The following PRKDC variants were observed in gnomAD, a reference collection of about 807,000 sequenced individuals.
The protein encoded by PRKDC is protein kinase, DNA-activated, catalytic subunit.
Under a neutral mutation model 486.9 loss-of-function variants are expected in PRKDC, and 82 were observed. The ratio of observed to expected loss-of-function variants is 0.17; its 90% CI spans 0.14 to 0.20. The LOEUF (loss-of-function observed/expected upper bound fraction) is 0.20. Ranked by LOEUF, PRKDC falls within the 10% of genes least tolerant of loss-of-function variation. The probability of loss-of-function intolerance (pLI) is 1.00; values close to 1 mark genes in which losing one functional copy is unlikely to be tolerated. For synonymous variants in PRKDC, 1,895 were observed against 1,837.0 expected, an observed-to-expected ratio of 1.03 and a Z score of -0.81; for missense variants, 4,504 against 5,038.2, an observed-to-expected ratio of 0.89 and a Z score of 3.21.
chr8:47,838,442 T>C lies in PRKDC; in HGVS notation c.7553+706A>G, dbSNP rs982823525. On this transcript the variant is annotated intron_variant, in intron 56 of 85. Transcript: ENST00000314191. Reference sequence around the variant, plus strand: ...ACTTGGGTAACATAGCAAGACCCTATCTTTACAAAAAATAAAAAATCAGCC... The same window carrying C: ...ACTTGGGTAACATAGCAAGACCCTACCTTTACAAAAAATAAAAAATCAGCC... 2.6e-5 allele frequency among the ~76,000 whole-genome samples: 4 copies of C among 152,114 alleles called. No homozygotes were observed. In the East Asian group the frequency reaches 7.8e-4, roughly 29 times the overall value.
intron 59 of PRKDC, 81 bp downstream of exon 59, chr8:47,834,115 A>G (rs938427111): frequency 1.3e-6 from 2 of 1,521,474 alleles, no homozygotes; most frequent in African/African-American, 1.4e-5. Flanking sequence ...ACATGGATAC[A>G]GTCAGAAATG....
intron 11 of PRKDC, 63 bp from the exon 12 acceptor site, chr8:47,936,580 T>C: frequency 6.4e-7 from 1 of 1,571,976 alleles, no homozygotes; most frequent in Non-Finnish European, 8.7e-7. Context: ...ATATTTAAGG[T>C]GTCATGTTAA....
intron 10 of PRKDC, among the ~76,000 whole-genome samples, chr8:47,941,398 A>G (rs866669564): frequency 1.3e-5 from 2 of 152,152 alleles, no homozygotes; most frequent in South Asian, 2.1e-4. Context: ...CCTGGTAACA[A>G]TGTGACTCGG....
intron 50 of PRKDC, 74 bp downstream of exon 50, chr8:47,855,148 T>C: frequency 7.6e-7 from 1 of 1,322,022 alleles, no homozygotes; most frequent in Non-Finnish European, 1.0e-6. Flanking sequence ...TAAATTTCAC[T>C]GTAATCATCA....
At chr8:47,854,723 T>G in intron 50 of PRKDC, among the ~76,000 whole-genome samples, 1 of 152,230 alleles carries the variant, frequency 6.6e-6, no homozygotes, top group East Asian at 1.9e-4. Context: ...TAGCTTTGAC[T>G]TTACAGAAAT....
Position 47,834,390 on chromosome 8 carries a change from C to T in PRKDC, c.7958G>A (p.Arg2653Lys), listed in dbSNP as rs1408651548. The T allele has an allele frequency of 6.2e-7, 1 of 1,613,224 alleles. No individual in the cohort carries two copies. The highest frequency in any genetic ancestry group is 8.5e-7 in the Non-Finnish European group (1 of 1,179,796). ...CCCGGTCAGCCAATCAAATGAGCTTCTTCCATCTGTGACATGCAATCAGAG... is the reference window on the plus strand; with the variant it reads ...CCCGGTCAGCCAATCAAATGAGCTTTTTCCATCTGTGACATGCAATCAGAG... Reference protein sequence around the residue: ...DFTLTQTADGRSSFDWLTGSS... With the variant: ...DFTLTQTADGKSSFDWLTGSS... Residue 2653 changes from arginine (R) to lysine (K), a missense_variant, in exon 59 of 86, where the codon AGA (arginine) becomes AAA (lysine). By Grantham distance (26) the Arg-to-Lys change is conservative (BLOSUM62 2). Transcript: ENST00000314191.
intron 50 of PRKDC, among the ~76,000 whole-genome samples, chr8:47,854,558 T>C (rs1346281054): frequency 6.6e-6 from 1 of 152,092 alleles, no homozygotes. Context: ...GCCAGGATGG[T>C]CTCGATCTCC....
At chr8:47,799,817 T>C (rs78570335) in intron 71 of PRKDC, among the ~76,000 whole-genome samples, 141 of 152,132 alleles carry the variant, frequency 9.3e-4, no homozygotes, top group African/African-American at 3.3e-3. Flanking sequence ...CAGGTAACTA[T>C]TGAAAAAAAC....
chr8:47,931,490 G>T (rs1187494379), intron 16 of PRKDC, among the ~76,000 whole-genome samples: 1 of 151,900 alleles, frequency 6.6e-6, no homozygotes, highest in Non-Finnish European at 1.5e-5. Context: ...AAGTCCCTTT[G>T]GGCAAGTTTT....
At chr8:47,927,991 G>A (rs1165513020) in intron 19 of PRKDC, 101 bp from the exon 20 acceptor site, 15 of 1,139,832 alleles carry the variant, frequency 1.3e-5, no homozygotes, top group South Asian at 6.8e-5. Context: ...AAATTGGCAC[G>A]TAGCCTTTAT....
chr8:47,913,984 C>G lies in PRKDC; in HGVS notation c.2698G>C (p.Glu900Gln). 6.2e-7 allele frequency: 1 copy of G among 1,609,684 alleles called. No individual in the cohort carries two copies. Among genetic ancestry groups the G allele is most frequent in the Non-Finnish European group, 8.5e-7 (1 of 1,177,722 alleles). ...KRLSFAVPFR[E>Q]MKPVIFLDVF... Reference sequence around the variant, plus strand: ...TCCAGGAAAATGACAGGTTTCATCTCTCTAAAGGGCACTGCAAAGCTCAGC... The same window carrying G: ...TCCAGGAAAATGACAGGTTTCATCTGTCTAAAGGGCACTGCAAAGCTCAGC... Residue 900 changes from glutamate (E) to glutamine (Q), a missense_variant, in exon 24 of 86, where the codon GAG (glutamate) becomes CAG (glutamine). This residue lies in a region of PRKDC where 1,969 missense variants were observed against 2,068.9 expected (regional missense o/e 0.95). Transcript: ENST00000314191.
intron 25 of PRKDC, among the ~76,000 whole-genome samples, chr8:47,907,421 C>T (rs925569994): frequency 1.7e-4 from 26 of 151,336 alleles, no homozygotes; most frequent in East Asian, 3.9e-4. Flanking sequence ...TACACACACA[C>T]ACACACACAC....
At chr8:47,836,665 G>T in intron 57 of PRKDC, 138 bp from the exon 58 acceptor site, 1 of 799,986 alleles carries the variant, frequency 1.3e-6, no homozygotes, top group Non-Finnish European at 1.9e-6. Context: ...TGCAGCTGAA[G>T]AAGAACCTTC....
chr8:47,900,646 G>C (rs569394828), intron 27 of PRKDC, among the ~76,000 whole-genome samples, 179 bp from the exon 28 acceptor site: 6 of 152,286 alleles, frequency 3.9e-5, no homozygotes, highest in African/African-American at 1.4e-4. Context: ...TGGATCACGA[G>C]GTCAGGAGAT....
intron 74 of PRKDC, among the ~76,000 whole-genome samples, chr8:47,793,880 CTCA>C (rs1293804967): frequency 1.3e-5 from 2 of 152,130 alleles, no homozygotes; most frequent in Admixed American, 6.5e-5. Flanking sequence ...CTACTGCTCA[CTCA>C]TCATCGGTCT....
At chr8:47,935,467 T>A (rs2090333097) in intron 13 of PRKDC, among the ~76,000 whole-genome samples, 1 of 151,730 alleles carries the variant, frequency 6.6e-6, no homozygotes, top group Non-Finnish European at 1.5e-5. Context: ...GCCACTGCAC[T>A]CCAGCCTGGG....
intron 25 of PRKDC, 34 bp from the exon 26 acceptor site, chr8:47,905,010 T>C: frequency 6.8e-7 from 1 of 1,467,890 alleles, no homozygotes; most frequent in Non-Finnish European, 9.5e-7. Context: ...TTAATTCCCT[T>C]CATGTTAAAG....
In PRKDC at chr8:47,890,407, T is replaced by C. The variant is rs1589769486; in HGVS notation, c.3921A>G (p.Ile1307Met). The change falls in exon 32 of 86, where the codon ATA (isoleucine) becomes ATG (methionine). Residue 1307 changes from isoleucine to methionine, a missense_variant. Physicochemically the swap from Ile to Met is conservative, Grantham distance 10. Transcript: ENST00000314191. ...FLESIAMHDI[I>M]AAEKCFGTGA... ...CAGTGCCAAAGCACTTTTCTGCTGC[T>C]ATAATGTCATGCATGGCAATGCTTT... 1 of 1,604,456 alleles carries C rather than the reference T, an allele frequency of 6.2e-7. No homozygotes were observed.
intron 68 of PRKDC, among the ~76,000 whole-genome samples, chr8:47,809,024 T>TGGAAGGAAAGAAA (rs1215267990): frequency 4.8e-5 from 7 of 146,896 alleles, no homozygotes; most frequent in Non-Finnish European, 1.0e-4. Flanking sequence ...ACCCTGTGCG[T>TGGAAGGAAAGAAA]GGAAGGAAAG....
Sources: gnomAD v4.1 joint callset for allele counts (sites outside exome capture counted in the v4.1 genomes callset) on GRCh38, gnomAD v4.1.1 for gene constraint, gnomAD v4.1.1 regional missense constraint, MANE v1.5 for transcripts, NCBI Gene and HGNC (gene_info 2026-07-23, HGNC 2026-07-21) for gene names.